TRPM7: variants seen among roughly 807,000 people sequenced by gnomAD.
TRPM7 encodes the protein LTRPC ion channel family member 7.
In TRPM7, 134 loss-of-function variants were observed where a neutral mutation model predicts 229.7. The ratio of observed to expected loss-of-function variants is 0.58; its 90% CI spans 0.51 to 0.67. The LOEUF is 0.67. Among genes scored for constraint, TRPM7 ranks in the 30% least tolerant of loss-of-function variants. The pLI is 0.00. For synonymous variants in TRPM7, 699 were observed against 715.2 expected (o/e 0.98, Z 0.36); for missense variants, 1,901 against 2,210.0 (o/e 0.86, Z 2.80).
chr15:50,639,435 C>A lies in TRPM7; in HGVS notation c.649G>T (p.Val217Phe). Reference sequence around the variant, plus strand: ...AAAATAATTCTTACATCTCTCCCAACAAGATCATTTCTGTTTTCAATCACT... The same window carrying A: ...AAAATAATTCTTACATCTCTCCCAAAAAGATCATTTCTGTTTTCAATCACT... Reference protein sequence around the residue: ...WGVIENRNDLVGRDVVAPYQT... With the variant: ...WGVIENRNDLFGRDVVAPYQT... Residue 217 changes from valine (V) to phenylalanine (F), a missense_variant, in exon 6 of 39, where the codon GTT becomes TTT. By Grantham distance (50) the Val-to-Phe change is conservative (BLOSUM62 -1). Transcript: ENST00000646667. The A allele has an allele frequency of 6.3e-7, 1 of 1,597,696 alleles. No individual in the cohort carries two copies. The highest frequency in any genetic ancestry group is 8.5e-7 in the Non-Finnish European group (1 of 1,170,790).
intron 38 of TRPM7, among the ~76,000 whole-genome samples, chr15:50,566,362 A>G (rs1161379891): frequency 6.6e-6 from 1 of 152,096 alleles, no homozygotes; most frequent in East Asian, 1.9e-4. Context: ...AGCTAAAACA[A>G]TGCTTAGAGG....
At chr15:50,645,823 G>C (rs1244956771) in intron 4 of TRPM7, among the ~76,000 whole-genome samples, 2 of 152,034 alleles carry the variant, frequency 1.3e-5, no homozygotes, top group East Asian at 3.9e-4. Context: ...CTGGGAACTA[G>C]AAAAACTAGA....
At chr15:50,665,395 A>AGG (rs2061855138) in intron 1 of TRPM7, among the ~76,000 whole-genome samples, 1 of 69,436 alleles carries the variant, frequency 1.4e-5, no homozygotes, top group Non-Finnish European at 4.3e-5. Context: ...ACTCTGTCTA[A>AGG]AAAAAAAAAA....
intron 5 of TRPM7, among the ~76,000 whole-genome samples, chr15:50,641,380 C>T (rs74012809): frequency 0.014 from 2,168 of 152,242 alleles, 59 homozygotes; most frequent in African/African-American, 0.051. Context: ...TTCCAACACA[C>T]GAGCCATCTC....
chr15:50,653,579 G>C (rs572070140), intron 3 of TRPM7, among the ~76,000 whole-genome samples: 2 of 152,188 alleles, frequency 1.3e-5, no homozygotes, highest in Non-Finnish European at 1.5e-5. Flanking sequence ...AAACACATGA[G>C]GTAAACCCCC....
chr15:50,593,852 T>A (rs375244578), intron 24 of TRPM7, 103 bp from the exon 25 acceptor site: 4 of 1,144,998 alleles, frequency 3.5e-6, no homozygotes, highest in Non-Finnish European at 1.2e-6. Context: ...ACTACATCCA[T>A]CATCTGCACT....
At chr15:50,583,797 CT>C (rs1234833166) in intron 28 of TRPM7, among the ~76,000 whole-genome samples, 1 of 152,118 alleles carries the variant, frequency 6.6e-6, no homozygotes, top group Non-Finnish European at 1.5e-5. Context: ...TGGTCTCAAA[CT>C]CCTGACCTCA....
In TRPM7 at chr15:50,682,173, C is replaced by CAAA. The variant is rs34590459; in HGVS notation, c.3+4355_3+4357dup. ...TGGGCAAAAGAGCAAAACTCAGTCT[C>CAAA]AAAAAAAAAAAAAAAAAAGGACTGT... On this transcript the variant is annotated intron_variant, in intron 1 of 38. Coordinates refer to ENST00000646667, the MANE Select transcript of TRPM7 (RefSeq NM_017672.6). 2.1e-3 allele frequency among the ~76,000 whole-genome samples: 133 copies of CAAA among 63,678 alleles called. 3 individuals carry two copies. Among genetic ancestry groups the CAAA allele is most frequent in the African/African-American group, 7.7e-3 (116 of 15,004 alleles). 41.8% of individuals were successfully genotyped at this position (63,678 alleles called of 152,430 possible).
chr15:50,678,264 C>G (rs1056047195), intron 1 of TRPM7, among the ~76,000 whole-genome samples: 1 of 128,058 alleles, frequency 7.8e-6, no homozygotes, highest in African/African-American at 2.8e-5. Context: ...AAAACAAAAA[C>G]AAAAACAAAA....
intron 36 of TRPM7, among the ~76,000 whole-genome samples, chr15:50,571,423 T>G (rs1290875150): frequency 1.3e-5 from 2 of 152,368 alleles, no homozygotes; most frequent in South Asian, 2.1e-4. Flanking sequence ...CTGCAAGCAC[T>G]GTTTGTAGAA....
chr15:50,561,989 G>A (rs1440406376), intron 38 of TRPM7, among the ~76,000 whole-genome samples, 181 bp from the exon 39 acceptor site: 1 of 152,034 alleles, frequency 6.6e-6, no homozygotes, highest in Non-Finnish European at 1.5e-5. Context: ...CCACCTCCCG[G>A]GTTCAAGCGA....
At position 50,637,558 on chromosome 15, in the gene TRPM7, C is replaced by A. The variant is rs1263446706; in HGVS notation, c.696G>T (p.Leu232=). 3 of 1,613,894 alleles carry A rather than the reference C, an allele frequency of 1.9e-6. No individual in the cohort carries two copies. Among genetic ancestry groups the A allele is most frequent in the African/African-American group, 2.7e-5 (2 of 75,008 alleles). Residue 232 remains leucine, a synonymous_variant, in exon 7 of 39, where the codon CTG becomes CTT. Transcript: ENST00000646667. The part of the protein sequence containing the change: ...VAPYQTLLNP[L]SKLNVLNNLH... ...GATTATTCAAAACATTCAATTTGCTCAGGGGGTTCAATAAGGTTTGATAAG... is the reference window on the plus strand; with the variant it reads ...GATTATTCAAAACATTCAATTTGCTAAGGGGGTTCAATAAGGTTTGATAAG...
intron 1 of TRPM7, among the ~76,000 whole-genome samples, chr15:50,668,349 T>C (rs1182240950): frequency 6.6e-6 from 1 of 152,242 alleles, no homozygotes. Flanking sequence ...TCCTTTATTT[T>C]GTTTTGCAGT....
chr15:50,678,275 A>C (rs973603152), intron 1 of TRPM7, among the ~76,000 whole-genome samples: 10 of 150,694 alleles, frequency 6.6e-5, no homozygotes, highest in Admixed American at 6.6e-5. Context: ...AAAAACAAAA[A>C]CAAAAACCAA....
At chr15:50,667,004 A>G (rs1287484645) in intron 1 of TRPM7, among the ~76,000 whole-genome samples, 1 of 152,150 alleles carries the variant, frequency 6.6e-6, no homozygotes, top group Non-Finnish European at 1.5e-5. Context: ...CACAAGATCC[A>G]GGAACCTGTT....
rs769583572 is a variant in TRPM7 at position 50,614,257 on chromosome 15, G to C, written c.1501C>G (p.Leu501Val). The change falls in exon 14 of 39, where the codon CTT becomes GTT. Residue 501 changes from leucine to valine, a missense_variant. Around this residue, in one of 8 missense-constraint regions of TRPM7, gnomAD observed 794 missense variants for 881.9 expected, o/e 0.90. Transcript: ENST00000646667. ...HLVRDVKQGN[L>V]PPGYKITLID... ...AGAGTGATCTTATATCCTGGAGGAA[G>C]ATTTCCCTAGAAACAAAACATTTGT... The C allele has an allele frequency of 1.3e-6, 2 of 1,595,296 alleles. No individual in the cohort carries two copies. The highest frequency in any genetic ancestry group is 3.7e-5 in the Admixed American group (2 of 53,456).
intron 1 of TRPM7, among the ~76,000 whole-genome samples, chr15:50,679,990 T>C (rs1213694091): frequency 1.4e-4 from 21 of 150,902 alleles, no homozygotes; most frequent in Admixed American, 1.4e-3. Flanking sequence ...TCCCAGCACT[T>C]TGGGGGGCCA....
At chr15:50,634,936 A>G (rs1468486633) in intron 7 of TRPM7, among the ~76,000 whole-genome samples, 1 of 152,170 alleles carries the variant, frequency 6.6e-6, no homozygotes, top group Non-Finnish European at 1.5e-5. Context: ...TTTGCTTTAC[A>G]ATACATTAGT....
At chr15:50,677,738 C>CAAAAAAAAAAAA (rs10652951) in intron 1 of TRPM7, among the ~76,000 whole-genome samples, 2 of 38,174 alleles carry the variant, frequency 5.2e-5, no homozygotes, top group African/African-American at 8.8e-5. Flanking sequence ...GACCCCGTAT[C>CAAAAAAAAAAAA]AAAAAAAAAA....
Sources: gnomAD v4.1 joint callset for allele counts (sites outside exome capture counted in the v4.1 genomes callset) on GRCh38, gnomAD v4.1.1 for gene constraint, gnomAD v4.1.1 regional missense constraint, MANE v1.5 for transcripts, NCBI Gene and HGNC (gene_info 2026-07-23, HGNC 2026-07-21) for gene names.